Variants in NUP58 observed in about 807,000 individuals in gnomAD.
The protein encoded by NUP58 is nucleoporin p58/p45.
A neutral mutation model predicts 70.1 loss-of-function variants in NUP58; 17 were observed. The ratio of observed to expected loss-of-function variants is 0.24; its 90% confidence interval spans 0.17 to 0.36. The LOEUF (loss-of-function observed/expected upper bound fraction) is 0.36. Ranked by LOEUF, NUP58 falls within the 10% of genes least tolerant of loss-of-function variation. NUP58 has a pLI of 1.00. For synonymous variants in NUP58, 275 were observed against 257.6 expected, an observed-to-expected ratio of 1.07 and a Z score of -0.65; for missense variants, 644 against 701.5, an observed-to-expected ratio of 0.92 and a Z score of 0.93.
At chr13:25,338,793 G>T (rs576875494) in intron 15 of NUP58, 62 bp downstream of exon 15, 1 of 1,427,534 alleles carries the variant, frequency 7.0e-7, no homozygotes, top group African/African-American at 1.4e-5. Context: ...TAATTTAAAA[G>T]TATGTGTTGT....
At chr13:25,310,314 G>A (rs1205887160) in intron 3 of NUP58, among the ~76,000 whole-genome samples, 1 of 149,484 alleles carries the variant, frequency 6.7e-6, no homozygotes, top group Non-Finnish European at 1.5e-5. Context: ...TCCGCCTCCT[G>A]GGTTCAAGTG....
At chr13:25,330,033 T>C (rs1333434048) in intron 12 of NUP58, among the ~76,000 whole-genome samples, 3 of 152,126 alleles carry the variant, frequency 2.0e-5, no homozygotes, top group African/African-American at 7.2e-5. Context: ...CTTGCTGTGT[T>C]GTCCAGGCTG....
At chr13:25,305,412 T>G (rs947350860) in intron 1 of NUP58, among the ~76,000 whole-genome samples, 1 of 152,078 alleles carries the variant, frequency 6.6e-6, no homozygotes, top group Non-Finnish European at 1.5e-5. Flanking sequence ...TCAAGCAGTC[T>G]GCCTACCTCA....
chr13:25,337,266 C>T (rs950787267), intron 14 of NUP58, among the ~76,000 whole-genome samples: 3 of 152,090 alleles, frequency 2.0e-5, no homozygotes, highest in African/African-American at 7.2e-5. Context: ...AAGTGGTAGG[C>T]ATGTTCATGT....
At chr13:25,305,147 T>TTTTGTTTG (rs1555253622) in intron 1 of NUP58, among the ~76,000 whole-genome samples, 12 of 125,816 alleles carry the variant, frequency 9.5e-5, no homozygotes, top group East Asian at 7.3e-4. Flanking sequence ...TTTTTTTTTT[T>TTTTGTTTG]TTTTTTTTTT....
chr13:25,313,721 CT>C lies in NUP58; in HGVS notation c.548del (p.Phe183SerfsTer16). On this transcript the variant is annotated frameshift_variant, in exon 5 of 16. Coordinates refer to ENST00000381736, the MANE Select transcript of NUP58 (RefSeq NM_014089.4). LOFTEE classifies it high-confidence loss of function. ...GGALAGLGGS[L>X]FQSTNTGTSG... ...AGCCTTAGCTGGTTTGGGAGGTTCA[CT>C]TTTCCAGAGTACAAACACAGGAACA... is the stretch of plus-strand genomic sequence containing the variant. The C allele has an allele frequency of 6.5e-7, 1 of 1,532,360 alleles. No individual in the cohort carries two copies. Among genetic ancestry groups the C allele is most frequent in the Non-Finnish European group, 8.7e-7 (1 of 1,152,510 alleles). 94.9% of individuals were successfully genotyped at this position (1,532,360 alleles called of 1,614,324 possible).
In NUP58 at chr13:25,310,729, A is replaced by T. The variant is rs567023592; in HGVS notation, c.286+1447A>T. On this transcript the variant is annotated intron_variant, in intron 3 of 15. Transcript: ENST00000381736. ...GCACTGCACTCTGGCAGGAACTTCT[A>T]GTTGTGATCAGGGCAATCCAGAAGC... 1.1e-3 allele frequency among the ~76,000 whole-genome samples: 170 copies of T among 152,180 alleles called. 1 individual carries two copies. The highest frequency in any genetic ancestry group is 3.7e-3 in the African/African-American group (152 of 41,530).
At chr13:25,307,561 AT>A (rs946979079) in intron 1 of NUP58, among the ~76,000 whole-genome samples, 5 of 151,502 alleles carry the variant, frequency 3.3e-5, no homozygotes, top group South Asian at 2.1e-4. Flanking sequence ...ATGTGGATTT[AT>A]TTTTTTTTAA....
intron 3 of NUP58, among the ~76,000 whole-genome samples, chr13:25,348,731 CTT>C (rs542872654): frequency 2.5e-4 from 38 of 152,282 alleles, no homozygotes; most frequent in African/African-American, 8.4e-4. Context: ...CTTTTTGCCT[CTT>C]ATATCAATTG....
chr13:25,309,354 A>G, intron 3 of NUP58, 72 bp downstream of exon 3: 1 of 1,147,674 alleles, frequency 8.7e-7, no homozygotes, highest in African/African-American at 1.6e-5. Context: ...TGATCTTTCT[A>G]CTCTTCTCTC....
intron 15 of NUP58, among the ~76,000 whole-genome samples, chr13:25,339,553 G>T (rs994424389): frequency 1.3e-5 from 2 of 152,132 alleles, no homozygotes; most frequent in African/African-American, 4.8e-5. Context: ...GAACATTGTG[G>T]GTTGAAGCTT....
intron 9 of NUP58, among the ~76,000 whole-genome samples, chr13:25,322,545 G>A (rs879918283): frequency 1.3e-5 from 2 of 152,174 alleles, no homozygotes; most frequent in Non-Finnish European, 2.9e-5. Flanking sequence ...GAACTCATGG[G>A]ATAGGTTACA....
At chr13:25,320,484 T>A in intron 7 of NUP58, 46 bp from the exon 8 acceptor site, 3 of 1,415,438 alleles carry the variant, frequency 2.1e-6, no homozygotes, top group Non-Finnish European at 3.0e-6. Context: ...GCTGTCAACT[T>A]TTTAAAATCT....
chr13:25,321,460 A>G (rs925413076), intron 9 of NUP58, among the ~76,000 whole-genome samples: 2 of 152,214 alleles, frequency 1.3e-5, no homozygotes, highest in African/African-American at 4.8e-5. Context: ...TTAACTAACT[A>G]GGTTTCGTAA....
intron 15 of NUP58, among the ~76,000 whole-genome samples, 196 bp from the exon 16 acceptor site, chr13:25,339,769 T>C (rs1404127723): frequency 6.6e-6 from 1 of 152,220 alleles, no homozygotes; most frequent in East Asian, 1.9e-4. Context: ...CTACACTCTC[T>C]TTCAGGGTGC....
chr13:25,346,183 A>C (rs1416011770), downstream of NUP58, among the ~76,000 whole-genome samples: 1 of 152,220 alleles, frequency 6.6e-6, no homozygotes, highest in African/African-American at 2.4e-5. Context: ...AGTGCTAAGC[A>C]GGGGCCAGGA....
At chr13:25,338,327 A>G (rs1050317584) in intron 14 of NUP58, among the ~76,000 whole-genome samples, 11 of 152,330 alleles carry the variant, frequency 7.2e-5, no homozygotes, top group African/African-American at 2.4e-4. Flanking sequence ...GACTAAAATC[A>G]TACTTGAATG....
chr13:25,324,769 A>G (rs998420204), intron 9 of NUP58, among the ~76,000 whole-genome samples: 23 of 152,332 alleles, frequency 1.5e-4, no homozygotes, highest in African/African-American at 4.8e-4. Context: ...AAATAGATCT[A>G]CAGCTCTTTA....
chr13:25,345,949 C>CA (rs1397742298), downstream of NUP58, among the ~76,000 whole-genome samples: 5 of 152,064 alleles, frequency 3.3e-5, no homozygotes, highest in African/African-American at 7.2e-5. Flanking sequence ...CTAATGGAAA[C>CA]AAAAAACCTA....
Sources: gnomAD v4.1 joint callset for allele counts (sites outside exome capture counted in the v4.1 genomes callset) on GRCh38, gnomAD v4.1.1 for gene constraint, MANE v1.5 for transcripts, NCBI Gene and HGNC (gene_info 2026-07-23, HGNC 2026-07-21) for gene names.